Variants in KAZN observed in about 807,000 individuals in gnomAD.
KAZN encodes the protein kazrin, periplakin interacting protein, also known as kazrin.
In KAZN, 40 loss-of-function variants were observed where a neutral mutation model predicts 87.4. The observed-to-expected ratio is 0.46, with a 90% confidence interval of 0.36 to 0.60. The LOEUF is 0.60. KAZN is among the 20% of genes least tolerant of loss of function. KAZN has a pLI of 0.00. For missense variants in KAZN, 898 were observed against 1,073.9 expected, an observed-to-expected ratio of 0.84 and a Z score of 2.29; for synonymous variants, 466 against 458.3, an observed-to-expected ratio of 1.02 and a Z score of -0.22.
At chr1:14,612,621 G>A (rs2148623680) in intron 1 of KAZN, among the ~76,000 whole-genome samples, 1 of 152,266 alleles carries the variant, frequency 6.6e-6, no homozygotes, top group East Asian at 1.9e-4. Flanking sequence ...TGACTGGGCT[G>A]GTTTCATGCA....
chr1:14,438,424 A>G (rs575833819), intron 2 of KAZN, among the ~76,000 whole-genome samples: 1 of 152,364 alleles, frequency 6.6e-6, no homozygotes, highest in South Asian at 2.1e-4. Context: ...AAGAGAGGGC[A>G]GAATAAGGGG....
Position 14,956,587 on chromosome 1 carries a change from C to T in KAZN, c.227-4097C>T, listed in dbSNP as rs7547789. 3.2e-3 allele frequency among the ~76,000 whole-genome samples: 476 copies of T among 149,978 alleles called. 2 individuals carry two copies. Among genetic ancestry groups the T allele is most frequent in the African/African-American group, 0.011 (459 of 40,662 alleles). On this transcript the variant is annotated intron_variant, in intron 1 of 14. Coordinates refer to ENST00000376030, the MANE Select transcript of KAZN (RefSeq NM_201628.3). ...TGCCATTGCACTCCAGCCTGGGCAA[C>T]AGGAGTGAAACTCTATCTCAAAAAA...
chr1:14,428,635 T>C (rs1259050549), intron 2 of KAZN, among the ~76,000 whole-genome samples: 4 of 152,226 alleles, frequency 2.6e-5, no homozygotes, highest in Admixed American at 6.5e-5. Flanking sequence ...ACAGTCCACA[T>C]GGCTTGGGAA....
chr1:14,393,171 C>T (rs562740142), intron 2 of KAZN, among the ~76,000 whole-genome samples: 4 of 152,316 alleles, frequency 2.6e-5, no homozygotes, highest in African/African-American at 9.6e-5. Context: ...TCAAAGTTCA[C>T]ATTCATGCCA....
intron 1 of KAZN, among the ~76,000 whole-genome samples, chr1:14,812,987 A>G (rs1557516253): frequency 6.6e-6 from 1 of 152,128 alleles, no homozygotes; most frequent in East Asian, 1.9e-4. Flanking sequence ...AGCTAACCCA[A>G]CCAACCATTT....
At position 14,748,512 on chromosome 1, in the gene KAZN, G is replaced by A. The variant is rs117496783; in HGVS notation, c.226+149289G>A. ...TCTTTGTGCCTCCGTCGTCTCATCC[G>A]TGAAATGGGGATAATGATTGAGCCT... is the stretch of plus-strand genomic sequence containing the variant. On this transcript the variant is annotated intron_variant, in intron 1 of 14. Transcript: ENST00000376030. Among the ~76,000 whole-genome samples the A allele has an allele frequency of 1.8e-3, 276 of 152,274 alleles. 8 individuals carry two copies. In the East Asian group the frequency reaches 0.029, roughly 16 times the overall value.
At chr1:14,303,469 C>T (rs190211992) in intron 2 of KAZN, among the ~76,000 whole-genome samples, 72 of 152,326 alleles carry the variant, frequency 4.7e-4, no homozygotes, top group Admixed American at 4.3e-3. Flanking sequence ...CAGTCTCAAT[C>T]TCCTGACCTC....
At chr1:13,941,708 G>T (rs1640934259) in intron 1 of KAZN, among the ~76,000 whole-genome samples, 2 of 152,076 alleles carry the variant, frequency 1.3e-5, no homozygotes, top group African/African-American at 4.8e-5. Flanking sequence ...TTTTCCTACT[G>T]ACAACAAGTA....
chr1:14,500,765 C>T lies in KAZN; in HGVS notation c.250-98218C>T, dbSNP rs145343591. On this transcript the variant is annotated intron_variant, in intron 2 of 16. Coordinates refer to the KAZN transcript ENST00000636203. ...AAAAAGTAGACATTACTACCTACCTCATAAAATAAAACAGATTATAAATAA... is the reference window on the plus strand; with the variant it reads ...AAAAAGTAGACATTACTACCTACCTTATAAAATAAAACAGATTATAAATAA... Among the ~76,000 whole-genome samples, 7 of 152,172 alleles carry T rather than the reference C, an allele frequency of 4.6e-5. No individual in the cohort carries two copies. The East Asian group carries it at 1.4e-3, about 29-fold the overall frequency.
At chr1:14,953,795 C>T (rs1662771934) in intron 1 of KAZN, among the ~76,000 whole-genome samples, 1 of 152,098 alleles carries the variant, frequency 6.6e-6, no homozygotes, top group African/African-American at 2.4e-5. Context: ...CCATTGAGTC[C>T]ACTTCCCAGA....
intron 2 of KAZN, among the ~76,000 whole-genome samples, chr1:14,369,933 G>C (rs1660331731): frequency 6.6e-6 from 1 of 152,174 alleles, no homozygotes; most frequent in South Asian, 2.1e-4. Context: ...GAAACAACTG[G>C]CTCTAACACT....
chr1:14,093,264 G>T (rs1644049434), intron 1 of KAZN, among the ~76,000 whole-genome samples: 1 of 152,166 alleles, frequency 6.6e-6, no homozygotes, highest in African/African-American at 2.4e-5. Context: ...CTTTAGAAAA[G>T]CTTCATAGCT....
chr1:14,359,953 T>A (rs953986863), intron 2 of KAZN, among the ~76,000 whole-genome samples: 1 of 152,230 alleles, frequency 6.6e-6, no homozygotes, highest in South Asian at 2.1e-4. Flanking sequence ...TGTGGTGGTA[T>A]CTGTATTTCC....
chr1:15,061,873 C>T (rs890552827), intron 6 of KAZN: 17 of 152,184 alleles, frequency 1.1e-4, no homozygotes, highest in Admixed American at 1.1e-3. Flanking sequence ...CTTCTCTTGT[C>T]CCCAGAAGAG....
chr1:14,396,988 T>C (rs1234722925), intron 2 of KAZN, among the ~76,000 whole-genome samples: 1 of 152,172 alleles, frequency 6.6e-6, no homozygotes, highest in Non-Finnish European at 1.5e-5. Flanking sequence ...TATTCCTACC[T>C]ACTTCTCCTT....
At chr1:14,091,307 A>G (rs1643987773) in intron 1 of KAZN, among the ~76,000 whole-genome samples, 1 of 152,038 alleles carries the variant, frequency 6.6e-6, no homozygotes, top group African/African-American at 2.4e-5. Context: ...GAAAACTCTC[A>G]GGCAGTGAGC....
chr1:14,466,334 A>AT (rs1668127308), intron 2 of KAZN, among the ~76,000 whole-genome samples: 1 of 151,856 alleles, frequency 6.6e-6, no homozygotes. Flanking sequence ...TTATAAGGAA[A>AT]ACAAAAAAGG....
intron 2 of KAZN, among the ~76,000 whole-genome samples, chr1:14,386,971 C>T (rs962409885): frequency 1.3e-5 from 2 of 152,184 alleles, no homozygotes; most frequent in African/African-American, 4.8e-5. Context: ...TAGATTTGGT[C>T]TTTTCACATC....
At chr1:14,511,301 A>G (rs1670892649) in intron 2 of KAZN, among the ~76,000 whole-genome samples, 1 of 152,222 alleles carries the variant, frequency 6.6e-6, no homozygotes, top group Non-Finnish European at 1.5e-5. Context: ...ACAGTTCATT[A>G]AGTTCTTGTG....
Sources: gnomAD v4.1 joint callset for allele counts (sites outside exome capture counted in the v4.1 genomes callset) on GRCh38, gnomAD v4.1.1 for gene constraint, MANE v1.5 for transcripts, NCBI Gene and HGNC (gene_info 2026-07-23, HGNC 2026-07-21) for gene names.